SPPL3: variants seen among roughly 807,000 people sequenced by gnomAD.
SPPL3 encodes the protein signal peptide peptidase like 3.
Under a neutral mutation model 42.4 loss-of-function variants are expected in SPPL3, and 5 were observed. The ratio of observed to expected loss-of-function variants is 0.12; its 90% CI spans 0.06 to 0.25. The LOEUF is 0.25. SPPL3 is among the 10% of genes least tolerant of loss of function. The pLI is 1.00. For synonymous variants in SPPL3, 195 were observed against 181.8 expected (o/e 1.07, Z -0.58); for missense variants, 235 against 489.0 (o/e 0.48, Z 4.90).
intron 1 of SPPL3, among the ~76,000 whole-genome samples, chr12:120,892,793 T>C (rs1425101371): frequency 6.6e-6 from 1 of 151,654 alleles, no homozygotes; most frequent in Non-Finnish European, 1.5e-5. Flanking sequence ...CCATCCTGGC[T>C]AACACGGTGA....
chr12:120,902,595 T>C (rs1457614445), intron 1 of SPPL3, among the ~76,000 whole-genome samples: 1 of 152,182 alleles, frequency 6.6e-6, no homozygotes, highest in Non-Finnish European at 1.5e-5. Flanking sequence ...CTCACTACCA[T>C]GTCGTATCAA....
Position 120,878,674 on chromosome 12 carries a change from C to T in SPPL3, c.23+25171G>A, listed in dbSNP as rs543685795. ...TCAGGACCAAGATAAAATCCTTAAACTCAAAGCCCATATGTAAGAAGTATT... is the reference window on the plus strand; with the variant it reads ...TCAGGACCAAGATAAAATCCTTAAATTCAAAGCCCATATGTAAGAAGTATT... On this transcript the variant is annotated intron_variant, in intron 1 of 10. Transcript: ENST00000353487. Among the ~76,000 whole-genome samples the T allele has an allele frequency of 2.0e-5, 3 of 152,300 alleles. No individual in the cohort carries two copies. In the South Asian group the frequency reaches 6.2e-4, roughly 32 times the overall value.
intron 1 of SPPL3, among the ~76,000 whole-genome samples, chr12:120,898,056 A>G (rs933780573): frequency 6.6e-6 from 1 of 152,250 alleles, no homozygotes; most frequent in Non-Finnish European, 1.5e-5. Context: ...TCATGCCTAT[A>G]ATACCAGCAC....
chr12:120,899,888 C>CA (rs34814522), intron 1 of SPPL3, among the ~76,000 whole-genome samples: 12,429 of 71,704 alleles, frequency 0.17, 1,619 homozygotes, highest in South Asian at 0.38. Flanking sequence ...GACCCTGTCT[C>CA]AAAAAAAAAA....
chr12:120,799,082 A>T (rs1013426925), intron 2 of SPPL3, among the ~76,000 whole-genome samples: 2 of 152,232 alleles, frequency 1.3e-5, no homozygotes, highest in Admixed American at 1.3e-4. Flanking sequence ...TCCTTGACTT[A>T]CAATGGAGTT....
intron 1 of SPPL3, among the ~76,000 whole-genome samples, chr12:120,871,763 T>TA (rs34292738): frequency 5.9e-4 from 89 of 150,388 alleles, no homozygotes; most frequent in East Asian, 1.4e-3. Context: ...CAGGGAGGGA[T>TA]AAAAAAAAAG....
intron 1 of SPPL3, among the ~76,000 whole-genome samples, chr12:120,897,550 C>A (rs960986015): frequency 6.6e-6 from 1 of 152,044 alleles, no homozygotes; most frequent in Non-Finnish European, 1.5e-5. Context: ...GGTGAAACCC[C>A]GTCTCTACTA....
chr12:120,874,212 G>A (rs990447300), intron 1 of SPPL3, among the ~76,000 whole-genome samples: 2 of 152,068 alleles, frequency 1.3e-5, no homozygotes, highest in African/African-American at 2.4e-5. Context: ...CAGCACTTAG[G>A]AAGACCGAGG....
chr12:120,783,165 C>T (rs369348651), intron 5 of SPPL3, among the ~76,000 whole-genome samples: 16 of 152,120 alleles, frequency 1.1e-4, no homozygotes, highest in African/African-American at 3.6e-4. Context: ...CTAATTCCTG[C>T]GAGCATCAGC....
chr12:120,772,443 G>A (rs773269145), intron 6 of SPPL3, among the ~76,000 whole-genome samples: 9 of 150,780 alleles, frequency 6.0e-5, no homozygotes, highest in Non-Finnish European at 1.0e-4. Context: ...AGCTGACCAC[G>A]TGCTCCTGGG....
chr12:120,828,515 G>C (rs1871297316), intron 1 of SPPL3, among the ~76,000 whole-genome samples: 1 of 152,182 alleles, frequency 6.6e-6, no homozygotes, highest in African/African-American at 2.4e-5. Flanking sequence ...CCTTTCTGCA[G>C]AAATCCATCG....
At chr12:120,780,306 T>TA (rs913633607) in intron 6 of SPPL3, among the ~76,000 whole-genome samples, 3 of 147,986 alleles carry the variant, frequency 2.0e-5, no homozygotes, top group South Asian at 4.3e-4. Context: ...AAAATAATAA[T>TA]AAAAAAAATT....
chr12:120,829,719 G>A (rs886945196), intron 1 of SPPL3, among the ~76,000 whole-genome samples: 3 of 152,278 alleles, frequency 2.0e-5, no homozygotes, highest in South Asian at 4.1e-4. Flanking sequence ...CTGAGGCTGG[G>A]TGTGGTGGCT....
chr12:120,860,359 G>A (rs1872587854), intron 1 of SPPL3, among the ~76,000 whole-genome samples: 2 of 152,150 alleles, frequency 1.3e-5, no homozygotes, highest in Admixed American at 1.3e-4. Context: ...AGAAATTTAT[G>A]TATAATATAC....
At chr12:120,812,931 G>A (rs546421844) in intron 1 of SPPL3, among the ~76,000 whole-genome samples, 1 of 152,318 alleles carries the variant, frequency 6.6e-6, no homozygotes, top group African/African-American at 2.4e-5. Flanking sequence ...GGAGGGAGAC[G>A]TTGCCAACCA....
intron 1 of SPPL3, among the ~76,000 whole-genome samples, chr12:120,821,455 T>A (rs1160147554): frequency 6.6e-6 from 1 of 152,238 alleles, no homozygotes; most frequent in Non-Finnish European, 1.5e-5. Flanking sequence ...GGCAACTGGT[T>A]TCCTCGGACA....
At chr12:120,821,563 G>T (rs956823807) in intron 1 of SPPL3, among the ~76,000 whole-genome samples, 1 of 152,184 alleles carries the variant, frequency 6.6e-6, no homozygotes, top group African/African-American at 2.4e-5. Flanking sequence ...GCTTTTGAAG[G>T]TATCTTTGTA....
chr12:120,771,130 T>G (rs1246272001), intron 6 of SPPL3, among the ~76,000 whole-genome samples: 1 of 152,220 alleles, frequency 6.6e-6, no homozygotes, highest in Non-Finnish European at 1.5e-5. Flanking sequence ...TTCTTCACAG[T>G]GCAGACAGAA....
chr12:120,788,323 A>G (rs945354714), intron 3 of SPPL3, among the ~76,000 whole-genome samples: 4 of 152,172 alleles, frequency 2.6e-5, no homozygotes, highest in Admixed American at 2.0e-4. Flanking sequence ...TCTTACTTCC[A>G]TGTGTTTCGA....
Sources: gnomAD v4.1 joint callset for allele counts (sites outside exome capture counted in the v4.1 genomes callset) on GRCh38, gnomAD v4.1.1 for gene constraint, MANE v1.5 for transcripts, NCBI Gene and HGNC (gene_info 2026-07-23, HGNC 2026-07-21) for gene names.